PRKG1: variants seen among roughly 807,000 people sequenced by gnomAD.
PRKG1 encodes protein kinase cGMP-dependent 1, also known as cGMP-dependent protein kinase 1.
A neutral mutation model predicts 88.1 loss-of-function variants in PRKG1; 35 were observed. The ratio of observed to expected loss-of-function variants is 0.40; its 90% CI spans 0.30 to 0.53. The LOEUF (loss-of-function observed/expected upper bound fraction) is 0.53. PRKG1 is among the 20% of genes least tolerant of loss of function. The pLI is 0.59. For synonymous variants in PRKG1, 303 were observed against 292.5 expected (o/e 1.04, Z -0.37); for missense variants, 540 against 839.8 (o/e 0.64, Z 4.41).
intron 8 of PRKG1, among the ~76,000 whole-genome samples, chr10:52,147,836 A>G (rs1937119004): frequency 6.6e-6 from 1 of 152,196 alleles, no homozygotes; most frequent in South Asian, 2.1e-4. Context: ...TAATGCCATT[A>G]GAAAGTCAGA....
chr10:51,908,274 T>C (rs1376493907), intron 5 of PRKG1: 1 of 152,160 alleles, frequency 6.6e-6, no homozygotes, highest in African/African-American at 2.4e-5. Context: ...ACATTGGTGG[T>C]GTAGGAAATT....
At chr10:52,075,634 G>A (rs114171473) in intron 7 of PRKG1, among the ~76,000 whole-genome samples, 10 of 152,210 alleles carry the variant, frequency 6.6e-5, no homozygotes, top group East Asian at 3.9e-4. Flanking sequence ...TAGCTTTGCC[G>A]TTACAAAAAA....
intron 5 of PRKG1, among the ~76,000 whole-genome samples, chr10:52,031,235 T>A (rs766058076): frequency 2.6e-5 from 4 of 152,230 alleles, no homozygotes; most frequent in Non-Finnish European, 5.9e-5. Flanking sequence ...CAATTTAGGA[T>A]GTTCATAAAT....
intron 3 of PRKG1, among the ~76,000 whole-genome samples, chr10:51,631,532 T>C (rs575527843): frequency 2.6e-4 from 40 of 152,302 alleles, no homozygotes; most frequent in Non-Finnish European, 4.7e-4. Context: ...AGGGTTTTGA[T>C]ATGAGTCTAC....
intron 3 of PRKG1, among the ~76,000 whole-genome samples, chr10:51,781,576 C>T (rs1000547670): frequency 1.3e-5 from 2 of 152,126 alleles, no homozygotes; most frequent in African/African-American, 4.8e-5. Context: ...TCTTTTTATA[C>T]TGTTCACAGA....
At chr10:51,213,056 G>C (rs1838270189) in intron 2 of PRKG1, among the ~76,000 whole-genome samples, 1 of 152,098 alleles carries the variant, frequency 6.6e-6, no homozygotes, top group Admixed American at 6.6e-5. Flanking sequence ...CAAAGACTTG[G>C]AACCAAGCCA....
At chr10:51,313,767 C>T (rs866477524) in intron 2 of PRKG1, among the ~76,000 whole-genome samples, 5 of 152,236 alleles carry the variant, frequency 3.3e-5, no homozygotes, top group South Asian at 2.1e-4. Context: ...AACCCAGAAA[C>T]GTCCTCCTGT....
At chr10:52,157,320 T>C (rs1025368620) in intron 8 of PRKG1, among the ~76,000 whole-genome samples, 3 of 43,916 alleles carry the variant, frequency 6.8e-5, no homozygotes, top group Non-Finnish European at 1.4e-4. Flanking sequence ...TATATATATA[T>C]ATATATATAT....
rs191648495 is a variant in PRKG1, at chr10:51,042,764, C to T, written c.266+51120C>T. ...CCTCTAGACTGGATGTTTTTGTCCC[C>T]CACAATTCATATGTTAAATCCTAAC... On this transcript the variant is annotated intron_variant, in intron 1 of 17. Coordinates refer to the PRKG1 transcript ENST00000401604. 1.2e-3 allele frequency among the ~76,000 whole-genome samples: 177 copies of T among 152,168 alleles called. 1 individual carries two copies. The Middle Eastern group carries it at 0.014, about 12-fold the overall frequency.
At chr10:51,227,880 T>G (rs924557990) in intron 2 of PRKG1, among the ~76,000 whole-genome samples, 2 of 152,166 alleles carry the variant, frequency 1.3e-5, no homozygotes, top group Admixed American at 1.3e-4. Flanking sequence ...GTAAGGGCCT[T>G]GAGTGTTGTG....
chr10:52,053,919 C>G (rs1005915099), intron 5 of PRKG1, among the ~76,000 whole-genome samples: 9 of 152,060 alleles, frequency 5.9e-5, no homozygotes, highest in African/African-American at 2.2e-4. Context: ...TAAAAATCAA[C>G]CTGGTTTCAA....
At chr10:52,026,956 G>A (rs1589532409) in intron 5 of PRKG1, among the ~76,000 whole-genome samples, 2 of 152,138 alleles carry the variant, frequency 1.3e-5, no homozygotes, top group South Asian at 4.2e-4. Context: ...CAGCCTGGGC[G>A]ACAGAGTAAG....
intron 2 of PRKG1, among the ~76,000 whole-genome samples, chr10:51,315,861 A>G (rs1288269141): frequency 6.6e-6 from 1 of 152,142 alleles, no homozygotes; most frequent in East Asian, 1.9e-4. Context: ...AGAGATGAGT[A>G]GGTCCTGTTT....
chr10:51,816,281 T>C (rs1054945582), intron 4 of PRKG1, among the ~76,000 whole-genome samples: 1 of 152,158 alleles, frequency 6.6e-6, no homozygotes, highest in Non-Finnish European at 1.5e-5. Context: ...CCCCTGAGCC[T>C]GGGTTTGGAT....
At chr10:51,371,562 T>G (rs117834398) in intron 2 of PRKG1, among the ~76,000 whole-genome samples, 1,776 of 152,256 alleles carry the variant, frequency 0.012, 11 homozygotes, top group Non-Finnish European at 0.018. Flanking sequence ...AGTTAAAATG[T>G]CCTCCTCTTT....
intron 3 of PRKG1, among the ~76,000 whole-genome samples, chr10:51,710,016 T>A (rs1438385814): frequency 6.6e-6 from 1 of 152,226 alleles, no homozygotes; most frequent in African/African-American, 2.4e-5. Context: ...TTATAAATAC[T>A]GAGTATATAC....
At chr10:51,303,907 A>G (rs536620084) in intron 2 of PRKG1, among the ~76,000 whole-genome samples, 3 of 152,038 alleles carry the variant, frequency 2.0e-5, no homozygotes, top group African/African-American at 7.2e-5. Context: ...CGCAACCTCC[A>G]CCCCCAGGTT....
intron 4 of PRKG1, among the ~76,000 whole-genome samples, chr10:51,876,440 A>G (rs1250043194): frequency 6.6e-6 from 1 of 152,220 alleles, no homozygotes; most frequent in Admixed American, 6.5e-5. Context: ...GGAAATGTGT[A>G]GTGTAGTATC....
At chr10:51,138,805 C>A (rs1171449412) in intron 1 of PRKG1, among the ~76,000 whole-genome samples, 1 of 150,982 alleles carries the variant, frequency 6.6e-6, no homozygotes, top group Admixed American at 6.6e-5. Flanking sequence ...GCCTCAGCCT[C>A]CCGAGTAGCT....
Sources: allele counts gnomAD v4.1 joint callset (sites outside exome capture counted in the v4.1 genomes callset), GRCh38; gene constraint gnomAD v4.1.1; transcripts MANE v1.5; gene names NCBI Gene and HGNC (gene_info 2026-07-23, HGNC 2026-07-21).